The following ABI2 variants were observed in gnomAD, a reference collection of about 807,000 sequenced individuals.
ABI2 encodes the protein abelson interactor 2.
Under a neutral mutation model 59.2 loss-of-function variants are expected in ABI2, and 25 were observed. That is an observed-to-expected ratio of 0.42 (90% CI 0.31 to 0.59). The LOEUF is 0.59. Among genes scored for constraint, ABI2 ranks in the 20% least tolerant of loss-of-function variants. The pLI, the probability that ABI2 is intolerant of heterozygous loss-of-function variation, is 0.14. For missense variants in ABI2, 545 were observed against 681.8 expected (o/e 0.80, Z 2.23); for synonymous variants, 213 against 235.5 (o/e 0.90, Z 0.87).
At chr2:203,416,745 C>A (rs1325542348) in intron 10 of ABI2, among the ~76,000 whole-genome samples, 163 bp from the exon 11 acceptor site, 1 of 152,108 alleles carries the variant, frequency 6.6e-6, no homozygotes, top group Non-Finnish European at 1.5e-5. Context: ...AGCTCTAGAA[C>A]GTTATAGTTG....
chr2:203,396,364 G>A (rs1422204977), intron 7 of ABI2, among the ~76,000 whole-genome samples: 1 of 151,840 alleles, frequency 6.6e-6, no homozygotes, highest in African/African-American at 2.4e-5. Flanking sequence ...AAAGATTTGT[G>A]TTTTAAAAAA....
At chr2:203,380,440 C>A in intron 3 of ABI2, 56 bp downstream of exon 3, 1 of 1,163,048 alleles carries the variant, frequency 8.6e-7, no homozygotes, top group Non-Finnish European at 1.2e-6. Flanking sequence ...GAAACCAACT[C>A]TTGAGAAAAT....
intron 1 of ABI2, among the ~76,000 whole-genome samples, chr2:203,338,983 A>AAATATATATATATAT (rs2078182989): frequency 8.1e-5 from 1 of 12,356 alleles, no homozygotes; most frequent in Non-Finnish European, 1.6e-4. Context: ...TATATATATA[A>AAATATATATATATAT]ATATATATAT....
intron 1 of ABI2, among the ~76,000 whole-genome samples, chr2:203,350,562 T>G (rs1347044844): frequency 6.6e-6 from 1 of 150,628 alleles, no homozygotes; most frequent in African/African-American, 2.4e-5. Context: ...TTTTTAAAGT[T>G]GAAGTCTTAA....
At chr2:203,378,207 G>A (rs186560538) in intron 2 of ABI2, among the ~76,000 whole-genome samples, 5,180 of 151,768 alleles carry the variant, frequency 0.034, 166 homozygotes, top group South Asian at 0.1. Context: ...CTGCCTCCTG[G>A]GTTCACGCCA....
At chr2:203,409,523 C>G (rs1035002744) in intron 9 of ABI2, among the ~76,000 whole-genome samples, 4 of 152,186 alleles carry the variant, frequency 2.6e-5, no homozygotes, top group African/African-American at 9.7e-5. Context: ...TACTACCTAC[C>G]AGGCTTAACA....
intron 4 of ABI2, among the ~76,000 whole-genome samples, chr2:203,390,531 C>G (rs573438837): frequency 6.6e-6 from 1 of 152,036 alleles, no homozygotes; most frequent in South Asian, 2.1e-4. Flanking sequence ...ACTTGGGAGG[C>G]TGAGGCAGGA....
At chr2:203,419,099 T>C (rs1422680416) in intron 11 of ABI2, among the ~76,000 whole-genome samples, 1 of 150,190 alleles carries the variant, frequency 6.7e-6, no homozygotes, top group Non-Finnish European at 1.5e-5. Flanking sequence ...CTTCCTAAAT[T>C]AAAGATCTTT....
intron 2 of ABI2, chr2:203,374,806 CTGTT>C (rs2095572078): frequency 4.4e-6 from 2 of 455,656 alleles, no homozygotes; most frequent in Admixed American, 2.3e-5. Flanking sequence ...TCCACTGTAA[CTGTT>C]TGATTGCAGA....
At chr2:203,354,200 C>T (rs570054259) in intron 1 of ABI2, among the ~76,000 whole-genome samples, 10 of 152,082 alleles carry the variant, frequency 6.6e-5, no homozygotes, top group South Asian at 2.1e-4. Context: ...CGCTTCACCA[C>T]GCCCTGCTAA....
rs755794220 is a variant in ABI2, at chr2:203,427,391, G to C, written c.*39G>C. ...TGTGCTTGCCTCACAGGAATAGTCA[G>C]GTCTTCCCAGATTATCTGAAGGCCC... On this transcript the variant is annotated 3_prime_UTR_variant, in exon 12 of 12. Transcript: ENST00000261018. 2 of 1,558,030 alleles carry C rather than the reference G, an allele frequency of 1.3e-6. No homozygotes were observed. The highest frequency in any genetic ancestry group is 1.2e-5 in the South Asian group (1 of 83,424).
intron 3 of ABI2, among the ~76,000 whole-genome samples, chr2:203,381,131 C>T (rs757000424): frequency 1.3e-5 from 2 of 151,834 alleles, no homozygotes; most frequent in South Asian, 2.1e-4. Context: ...TATAAACATA[C>T]TTAAAAAACA....
chr2:203,413,677 CATT>C (rs1378698417), intron 10 of ABI2, among the ~76,000 whole-genome samples: 1 of 152,034 alleles, frequency 6.6e-6, no homozygotes, highest in Non-Finnish European at 1.5e-5. Context: ...AAATAATAAA[CATT>C]ATTTGAATGT....
At chr2:203,375,912 A>G (rs919046870) in intron 2 of ABI2, 3 of 488,912 alleles carry the variant, frequency 6.1e-6, no homozygotes, top group Non-Finnish European at 3.5e-6. Context: ...TTCTAAAGGC[A>G]TGTTTTCTTC....
At chr2:203,373,490 A>AGGGAGAGGGAGAGGGAGC (rs1021680999) in intron 2 of ABI2, among the ~76,000 whole-genome samples, 4 of 149,740 alleles carry the variant, frequency 2.7e-5, no homozygotes, top group Non-Finnish European at 3.0e-5. Flanking sequence ...CCGTGGGGAG[A>AGGGAGAGGGAGAGGGAGC]GGGAGAGGGA....
intron 8 of ABI2, among the ~76,000 whole-genome samples, chr2:203,401,632 T>C (rs1046014260): frequency 3.3e-5 from 5 of 152,154 alleles, no homozygotes; most frequent in Admixed American, 1.3e-4. Context: ...AAAAATAAGA[T>C]ATATTTTGAC....
rs143985111 is a variant in ABI2 at position 203,382,007 on chromosome 2, C to T, written c.463-182C>T. ...TATCTTAAATTCATCAGAGAAACTT[C>T]TGTTCATGACACATTCTGCTTTAAC... On this transcript the variant is annotated intron_variant, in intron 3 of 11. Coordinates refer to ENST00000261018, the MANE Select transcript of ABI2 (RefSeq NM_001375670.1). 3.7e-3 allele frequency among the ~76,000 whole-genome samples: 570 copies of T among 152,272 alleles called. 7 individuals are homozygous for T. The highest frequency in any genetic ancestry group is 0.013 in the African/African-American group (548 of 41,566).
At chr2:203,396,099 G>C (rs2096970445) in intron 7 of ABI2, among the ~76,000 whole-genome samples, 1 of 152,134 alleles carries the variant, frequency 6.6e-6, no homozygotes, top group African/African-American at 2.4e-5. Flanking sequence ...CTCAGTGTGA[G>C]AACCATATTA....
In ABI2 at chr2:203,392,314, CCAACAACAACAACAACAA is replaced by C. The variant is rs150870167; in HGVS notation, c.578+1184_578+1201del. Among the ~76,000 whole-genome samples the C allele has an allele frequency of 1.1e-3, 140 of 123,302 alleles. 6 individuals are homozygous for C. The highest frequency in any genetic ancestry group is 1.6e-3 in the Non-Finnish European group (91 of 58,458). 80.9% of individuals were successfully genotyped at this position (123,302 alleles called of 152,430 possible). On this transcript the variant is annotated intron_variant, in intron 5 of 11. Coordinates refer to ENST00000261018, the MANE Select transcript of ABI2 (RefSeq NM_001375670.1). ...ACCACCACCACCACCACCACCACCACCAACAACAACAACAACAACAACAACAACAAAACAACCACAAAC... is the reference window on the plus strand; with the variant it reads ...ACCACCACCACCACCACCACCACCACCAACAACAACAAAACAACCACAAAC...
Sources: allele counts gnomAD v4.1 joint callset (sites outside exome capture counted in the v4.1 genomes callset), GRCh38; gene constraint gnomAD v4.1.1; transcripts MANE v1.5; gene names NCBI Gene and HGNC (gene_info 2026-07-23, HGNC 2026-07-21).